The following SCAP variants were observed in gnomAD, a reference collection of about 807,000 sequenced individuals.
The protein encoded by SCAP is sterol regulatory element-binding protein cleavage-activating protein.
Under a neutral mutation model 123.6 loss-of-function variants are expected in SCAP, and 65 were observed. The observed-to-expected ratio is 0.53, with a 90% CI of 0.43 to 0.65. SCAP has a LOEUF of 0.65. Ranked by LOEUF, SCAP falls within the 30% of genes least tolerant of loss-of-function variation. The pLI, the probability that SCAP is intolerant of heterozygous loss-of-function variation, is 0.00. For missense variants in SCAP, 1,398 were observed against 1,712.5 expected, an observed-to-expected ratio of 0.82 and a Z score of 3.24; for synonymous variants, 740 against 726.3, an observed-to-expected ratio of 1.02 and a Z score of -0.30.
At chr3:47,433,214 A>C (rs189964817) in intron 3 of SCAP, among the ~76,000 whole-genome samples, 24 of 152,262 alleles carry the variant, frequency 1.6e-4, no homozygotes, top group Non-Finnish European at 2.6e-4. Context: ...AACAGTCCTT[A>C]CCACCCACTT....
chr3:47,456,255 A>G (rs1018293596), intron 1 of SCAP, among the ~76,000 whole-genome samples: 5 of 152,080 alleles, frequency 3.3e-5, no homozygotes, highest in African/African-American at 1.2e-4. Flanking sequence ...TACAAAAATT[A>G]GCTGGGCATG....
At chr3:47,416,010 T>C (rs1445472933) in intron 18 of SCAP, among the ~76,000 whole-genome samples, 1 of 152,126 alleles carries the variant, frequency 6.6e-6, no homozygotes, top group Non-Finnish European at 1.5e-5. Flanking sequence ...GAGGGGAGGA[T>C]GTCAGCCAAA....
intron 2 of SCAP, among the ~76,000 whole-genome samples, chr3:47,437,654 G>C (rs1365085511): frequency 6.6e-6 from 1 of 151,844 alleles, no homozygotes; most frequent in Non-Finnish European, 1.5e-5. Context: ...TAAGTGGGAG[G>C]ATCGCTTGAG....
intron 3 of SCAP, chr3:47,428,910 G>A: frequency 2.2e-6 from 1 of 448,294 alleles, no homozygotes; most frequent in South Asian, 2.9e-5. Context: ...CTGGAACCAA[G>A]ATGGCCGACT....
intron 2 of SCAP, among the ~76,000 whole-genome samples, chr3:47,435,646 A>C (rs1242793007): frequency 6.6e-6 from 1 of 152,078 alleles, no homozygotes; most frequent in Non-Finnish European, 1.5e-5. Flanking sequence ...TCAGCCTCCC[A>C]AAGTGCTGAG....
Position 47,427,231 on chromosome 3 carries a change from G to A in SCAP, c.663C>T (p.Ser221=), listed in dbSNP as rs375911801. 21 of 1,613,462 alleles carry A rather than the reference G, an allele frequency of 1.3e-5. No homozygotes were observed. Among genetic ancestry groups the A allele is most frequent in the African/African-American group, 9.4e-5 (7 of 74,774 alleles). Residue 221 remains serine (S), a synonymous_variant, in exon 6 of 23, where the codon AGC becomes AGT. Coordinates refer to ENST00000265565, the MANE Select transcript of SCAP (RefSeq NM_012235.4). ...DLLFGVPGKY[S]GVSLYTRKRM... ...TCTTCCTGGTGTAGAGGCTCACCCC[G>A]CTGTACTTCCCAGGAACACCAAATA... is the stretch of plus-strand genomic sequence containing the variant.
intron 1 of SCAP, among the ~76,000 whole-genome samples, chr3:47,444,931 C>T (rs548215967): frequency 1.3e-5 from 2 of 151,956 alleles, no homozygotes; most frequent in Admixed American, 1.3e-4. Context: ...GCCACCACAC[C>T]TGGCTAATTT....
intron 1 of SCAP, among the ~76,000 whole-genome samples, chr3:47,471,612 C>T (rs998249459): frequency 9.9e-5 from 15 of 152,140 alleles, no homozygotes; most frequent in African/African-American, 3.6e-4. Context: ...CTCAGGTGAT[C>T]CACCCTCCTC....
chr3:47,418,623 C>A, intron 14 of SCAP, 32 bp downstream of exon 14: 3 of 1,447,578 alleles, frequency 2.1e-6, no homozygotes, highest in Non-Finnish European at 2.9e-6. Context: ...TCCCCGCACT[C>A]TTTCCCACCC....
At chr3:47,464,000 T>G (rs1365008778) in intron 1 of SCAP, among the ~76,000 whole-genome samples, 1 of 151,824 alleles carries the variant, frequency 6.6e-6, no homozygotes, top group Non-Finnish European at 1.5e-5. Context: ...TCTGGCTAAT[T>G]TATTTTATTT....
chr3:47,425,329 AAAG>A (rs1308533582), intron 8 of SCAP, 153 bp downstream of exon 8: 8 of 787,356 alleles, frequency 1.0e-5, no homozygotes, highest in Non-Finnish European at 1.4e-5. Flanking sequence ...CAAGCCAGAC[AAAG>A]AAGAGGAAGA....
At chr3:47,472,390 C>T (rs940024599) in intron 1 of SCAP, among the ~76,000 whole-genome samples, 4 of 149,820 alleles carry the variant, frequency 2.7e-5, no homozygotes, top group South Asian at 2.1e-4. Flanking sequence ...GCCGAGATTG[C>T]GCCACTGCAG....
chr3:47,414,854 C>A lies in SCAP; in HGVS notation c.3279G>T (p.Val1093=). The A allele has an allele frequency of 6.2e-7, 1 of 1,609,890 alleles. No individual in the cohort carries two copies. The highest frequency in any genetic ancestry group is 1.1e-5 in the South Asian group (1 of 90,534). The change falls in exon 20 of 23, where the codon GTG becomes GTT. Residue 1093 remains valine, a synonymous_variant. Transcript: ENST00000265565. ...TCAGTGTGTGGTCTTGGCTCCCAGT[C>A]ACCAAGCGCCCAGCAGCGGCTTTCA... ...TALKAAAGRL[V]TGSQDHTLRV... is the part of the protein sequence containing the mutation.
intron 3 of SCAP, among the ~76,000 whole-genome samples, chr3:47,433,394 G>A (rs1001099884): frequency 2.0e-5 from 3 of 152,068 alleles, no homozygotes; most frequent in Admixed American, 1.3e-4. Context: ...CCTGATTCCC[G>A]AGCCCTCTAG....
At chr3:47,452,364 C>T (rs1398941012) in intron 1 of SCAP, among the ~76,000 whole-genome samples, 1 of 151,772 alleles carries the variant, frequency 6.6e-6, no homozygotes, top group Non-Finnish European at 1.5e-5. Flanking sequence ...TCTCTGAAAA[C>T]AAACCACTTG....
chr3:47,431,417 T>A (rs1706352608), intron 3 of SCAP, among the ~76,000 whole-genome samples: 1 of 151,128 alleles, frequency 6.6e-6, no homozygotes. Context: ...AAGTCCAAAG[T>A]ATATTCAGGT....
At chr3:47,441,680 G>A (rs1356432271) in intron 2 of SCAP, among the ~76,000 whole-genome samples, 2 of 151,934 alleles carry the variant, frequency 1.3e-5, no homozygotes, top group Non-Finnish European at 2.9e-5. Context: ...AGGTGCAGGC[G>A]GGCACCAGAG....
intron 1 of SCAP, among the ~76,000 whole-genome samples, chr3:47,463,645 C>T (rs940528650): frequency 2.0e-5 from 3 of 152,072 alleles, no homozygotes; most frequent in African/African-American, 7.2e-5. Context: ...TTGCAGTGAG[C>T]TGAGAATGCA....
Position 47,419,364 on chromosome 3 carries a change from G to A in SCAP, c.1904C>T (p.Thr635Met), listed in dbSNP as rs369326131. 1.9e-5 allele frequency: 31 copies of A among 1,613,318 alleles called. No individual in the cohort carries two copies. The highest frequency in any genetic ancestry group is 3.3e-5 in the South Asian group (3 of 91,078). The change falls in exon 13 of 23, where the codon ACG (threonine) becomes ATG (methionine). Residue 635 changes from threonine (T) to methionine (M), a missense_variant. Thr to Met is a moderately conservative substitution (Grantham distance 81). This residue lies in a region of SCAP where 828 missense variants were observed against 882.5 expected (regional missense o/e 0.94). Transcript: ENST00000265565. The surrounding 1 kb of genome is among the most constrained non-coding windows in gnomAD (Gnocchi z 5.0). The stretch of plus-strand genomic sequence containing the variant: ...TGTGATGTTGTAATAGCTGAAGAGC[G>A]TCGGCCAGTGGCGGAAGGACAATTT... ...WRKLSFRHWP[T>M]LFSYYNITLA...
Sources: gnomAD v4.1 joint callset for allele counts (sites outside exome capture counted in the v4.1 genomes callset) on GRCh38, gnomAD v4.1.1 for gene constraint, gnomAD v4.1.1 regional missense constraint, Gnocchi (gnomAD v3.1) non-coding constraint, MANE v1.5 for transcripts, NCBI Gene and HGNC (gene_info 2026-07-23, HGNC 2026-07-21) for gene names.